The following DENND5B variants were observed in gnomAD, a reference collection of about 807,000 sequenced individuals.
DENND5B encodes the protein DENN domain containing 5B, also known as DENN domain-containing protein 5B.
Under a neutral mutation model 140.6 loss-of-function variants are expected in DENND5B, and 34 were observed. The observed-to-expected ratio is 0.24, with a 90% CI of 0.18 to 0.32. The LOEUF is 0.32. Among genes scored for constraint, DENND5B ranks in the 10% least tolerant of loss-of-function variants. The pLI, the probability that DENND5B is intolerant of heterozygous loss-of-function variation, is 1.00. For synonymous variants in DENND5B, 551 were observed against 562.1 expected (o/e 0.98, Z 0.28); for missense variants, 1,142 against 1,560.2 (o/e 0.73, Z 4.52).
intron 1 of DENND5B, among the ~76,000 whole-genome samples, chr12:31,537,280 A>G (rs1006565616): frequency 2.6e-5 from 4 of 152,194 alleles, no homozygotes; most frequent in African/African-American, 7.2e-5. Flanking sequence ...AGACAGTACA[A>G]TAAGATATAA....
intron 6 of DENND5B, among the ~76,000 whole-genome samples, chr12:31,445,653 C>T (rs1173987627): frequency 2.0e-5 from 3 of 150,476 alleles, no homozygotes; most frequent in Admixed American, 1.3e-4. Flanking sequence ...TGCAGTGAGC[C>T]GAGATGGCAC....
intron 1 of DENND5B, among the ~76,000 whole-genome samples, chr12:31,558,676 C>A (rs1474391570): frequency 6.6e-6 from 1 of 152,174 alleles, no homozygotes; most frequent in Non-Finnish European, 1.5e-5. Flanking sequence ...CTTTACACAA[C>A]ACTGAATCAA....
chr12:31,583,638 A>C (rs1950287124), intron 1 of DENND5B, among the ~76,000 whole-genome samples: 1 of 152,156 alleles, frequency 6.6e-6, no homozygotes, highest in Non-Finnish European at 1.5e-5. Flanking sequence ...AGATCACGCT[A>C]CTGCACTCCA....
chr12:31,481,683 G>A (rs1036505158), intron 2 of DENND5B, among the ~76,000 whole-genome samples: 2 of 152,136 alleles, frequency 1.3e-5, no homozygotes, highest in African/African-American at 4.8e-5. Flanking sequence ...AAGGTGGGAG[G>A]ACGTGAGAGA....
chr12:31,569,149 C>T (rs1949730121), intron 1 of DENND5B, among the ~76,000 whole-genome samples: 1 of 137,718 alleles, frequency 7.3e-6, no homozygotes, highest in Admixed American at 7.7e-5. Context: ...TCAATGAAAT[C>T]TCCACCTTCC....
At chr12:31,539,701 A>T (rs1330155638) in intron 1 of DENND5B, among the ~76,000 whole-genome samples, 2 of 152,130 alleles carry the variant, frequency 1.3e-5, no homozygotes, top group South Asian at 2.1e-4. Context: ...TAAAAACCTT[A>T]AAAAAACTTG....
At chr12:31,538,578 A>AT (rs1948581894) in intron 1 of DENND5B, among the ~76,000 whole-genome samples, 1 of 152,182 alleles carries the variant, frequency 6.6e-6, no homozygotes, top group Non-Finnish European at 1.5e-5. Flanking sequence ...AGAAATAATA[A>AT]AAATCAGGCC....
At chr12:31,547,456 T>C (rs1262344783) in intron 1 of DENND5B, among the ~76,000 whole-genome samples, 2 of 152,188 alleles carry the variant, frequency 1.3e-5, no homozygotes, top group Non-Finnish European at 2.9e-5. Flanking sequence ...TGGAGTGCAG[T>C]GGCACAATCT....
chr12:31,583,094 T>C lies in DENND5B; in HGVS notation c.127+7612A>G, dbSNP rs556556355. Reference sequence around the variant, plus strand: ...GGATCACAAGGTCAGGAGTTTTAGATAAGCGTGATCAACATGGTGAAACCC... The same window carrying C: ...GGATCACAAGGTCAGGAGTTTTAGACAAGCGTGATCAACATGGTGAAACCC... On this transcript the variant is annotated intron_variant, in intron 1 of 20. Coordinates refer to ENST00000389082, the MANE Select transcript of DENND5B (RefSeq NM_144973.4). Among the ~76,000 whole-genome samples the C allele has an allele frequency of 9.2e-5, 14 of 151,708 alleles. No homozygotes were observed. The South Asian group carries it at 2.9e-3, about 32-fold the overall frequency.
At chr12:31,411,114 C>T (rs1477780836) in intron 13 of DENND5B, among the ~76,000 whole-genome samples, 1 of 151,462 alleles carries the variant, frequency 6.6e-6, no homozygotes, top group Non-Finnish European at 1.5e-5. Flanking sequence ...TCTTGGCTCA[C>T]CGCAACCTCT....
chr12:31,562,524 G>A (rs1164157448), intron 1 of DENND5B, among the ~76,000 whole-genome samples: 1 of 152,036 alleles, frequency 6.6e-6, no homozygotes, highest in South Asian at 2.1e-4. Flanking sequence ...TAAGGCAGGA[G>A]AATCAGTTGA....
chr12:31,422,387 G>A (rs961050376), intron 11 of DENND5B, among the ~76,000 whole-genome samples: 5 of 150,180 alleles, frequency 3.3e-5, no homozygotes, highest in African/African-American at 9.8e-5. Context: ...CCGAGATCGC[G>A]CCACTGCATT....
At chr12:31,504,375 ATC>A (rs1947115766) in intron 1 of DENND5B, among the ~76,000 whole-genome samples, 1 of 152,188 alleles carries the variant, frequency 6.6e-6, no homozygotes, top group Non-Finnish European at 1.5e-5. Flanking sequence ...CCAAGAACAC[ATC>A]TCTCTTCACC....
chr12:31,509,632 GA>G (rs1947333735), intron 1 of DENND5B, among the ~76,000 whole-genome samples: 1 of 152,098 alleles, frequency 6.6e-6, no homozygotes, highest in Non-Finnish European at 1.5e-5. Flanking sequence ...TAAATAACTG[GA>G]AAAAATAGTG....
chr12:31,533,887 GTT>G (rs571204281), intron 1 of DENND5B, among the ~76,000 whole-genome samples: 2 of 142,278 alleles, frequency 1.4e-5, no homozygotes. Flanking sequence ...GCTTTTTAGT[GTT>G]TTTTTTTTTT....
intron 11 of DENND5B, among the ~76,000 whole-genome samples, chr12:31,420,589 G>A (rs764821813): frequency 2.0e-5 from 3 of 151,990 alleles, no homozygotes; most frequent in Non-Finnish European, 4.4e-5. Flanking sequence ...GATTACAGGT[G>A]TGCACCACCA....
At chr12:31,546,709 A>G (rs778630675) in intron 1 of DENND5B, among the ~76,000 whole-genome samples, 8 of 152,172 alleles carry the variant, frequency 5.3e-5, no homozygotes, top group Non-Finnish European at 1.0e-4. Context: ...TTCCAAGAGT[A>G]TAAAATTATT....
At position 31,474,333 on chromosome 12, in the gene DENND5B, T is replaced by G. The variant is rs539515457; in HGVS notation, c.904+5256A>C. On this transcript the variant is annotated intron_variant, in intron 3 of 20. Coordinates refer to ENST00000389082, the MANE Select transcript of DENND5B (RefSeq NM_144973.4). ...ATTCCCCTTTTATTCTTCCACTAGT[T>G]CTTTGAAAAAAGAATCATACTCTGA... is the stretch of plus-strand genomic sequence containing the variant. Among the ~76,000 whole-genome samples, 5 of 152,294 alleles carry G rather than the reference T, an allele frequency of 3.3e-5. No homozygotes were observed. The South Asian group carries it at 8.3e-4, about 25-fold the overall frequency.
intron 14 of DENND5B, among the ~76,000 whole-genome samples, chr12:31,403,895 T>C (rs1593072010): frequency 7.3e-5 from 1 of 13,692 alleles, no homozygotes; most frequent in African/African-American, 3.1e-4. Flanking sequence ...AAACTCCATC[T>C]CCAAAAAAAA....
Sources: gnomAD v4.1 joint callset for allele counts (sites outside exome capture counted in the v4.1 genomes callset) on GRCh38, gnomAD v4.1.1 for gene constraint, MANE v1.5 for transcripts, NCBI Gene and HGNC (gene_info 2026-07-23, HGNC 2026-07-21) for gene names.